TMEM33: variants seen among roughly 807,000 people sequenced by gnomAD.
TMEM33 encodes the protein transmembrane protein 33.
Under a neutral mutation model 29.7 loss-of-function variants are expected in TMEM33, and 16 were observed. The observed-to-expected ratio is 0.54, with a 90% CI of 0.36 to 0.82. The LOEUF (loss-of-function observed/expected upper bound fraction) is 0.82. Among genes scored for constraint, TMEM33 ranks in the 40% least tolerant of loss-of-function variants. The pLI, the probability that TMEM33 is intolerant of heterozygous loss-of-function variation, is 0.00. For missense variants in TMEM33, 252 were observed against 295.3 expected, an observed-to-expected ratio of 0.85 and a Z score of 1.08; for synonymous variants, 112 against 109.4, an observed-to-expected ratio of 1.02 and a Z score of -0.15.
intron 3 of TMEM33, among the ~76,000 whole-genome samples, chr4:41,940,639 C>T (rs1478777731): frequency 6.6e-6 from 1 of 151,644 alleles, no homozygotes; most frequent in Non-Finnish European, 1.5e-5. Flanking sequence ...GAAACCCCAT[C>T]TCTACTAAAA....
rs117278300 is a variant in TMEM33, at chr4:41,941,972, C to T, written c.329-1775C>T. On this transcript the variant is annotated intron_variant, in intron 3 of 6. Coordinates refer to ENST00000504986, the MANE Select transcript of TMEM33 (RefSeq NM_018126.3). ...ACTATAGAATGTTAGACATAAAAGA[C>T]TCATTGGCAGTTTCTAGCTTTGATC... 3.5e-4 allele frequency among the ~76,000 whole-genome samples: 54 copies of T among 152,312 alleles called. 1 individual carries two copies. In the East Asian group the frequency reaches 9.1e-3, roughly 26 times the overall value.
intron 1 of TMEM33, among the ~76,000 whole-genome samples, chr4:41,937,131 TA>T (rs1712280544): frequency 6.6e-6 from 1 of 152,158 alleles, no homozygotes; most frequent in Admixed American, 6.5e-5. Context: ...CTTAAACTTT[TA>T]AAATTGTATA....
Position 41,939,228 on chromosome 4 carries a change from C to G in TMEM33, c.173C>G (p.Ala58Gly), listed in dbSNP as rs772338056. The G allele has an allele frequency of 9.4e-6, 15 of 1,604,174 alleles. No homozygotes were observed. The highest frequency in any genetic ancestry group is 1.7e-4 in the Middle Eastern group (1 of 6,032). Reference protein sequence around the residue: ...LHEAASFYQRALLANALTSAL... With the variant: ...LHEAASFYQRGLLANALTSAL... ...GAAGCAGCAAGCTTTTACCAACGTG[C>G]TTTGCTGGCAAATGCTCTTACCAGT... The change falls in exon 3 of 7, where the codon GCT (alanine) becomes GGT (glycine). Residue 58 changes from alanine to glycine, a missense_variant. Transcript: ENST00000504986.
Position 41,958,700 on chromosome 4 carries a change from C to CTTTTTTTTT in TMEM33, c.*4519_*4527dup, listed in dbSNP as rs750862386. On this transcript the variant is annotated 3_prime_UTR_variant, in exon 7 of 7. Coordinates refer to ENST00000504986, the MANE Select transcript of TMEM33 (RefSeq NM_018126.3). ...GTAGAGACAACTAGTTTCTCTCGCT[C>CTTTTTTTTT]TTTTTTTTTTTTTTTTTTTTTTTTT... 2 of 93,790 alleles carry CTTTTTTTTT rather than the reference C, an allele frequency of 2.1e-5. No homozygotes were observed. Among genetic ancestry groups the CTTTTTTTTT allele is most frequent in the African/African-American group, 9.6e-5 (2 of 20,832 alleles). The allele number at this position is 93,790 out of a possible 1,614,324, so 5.8% of individuals were successfully genotyped here. A position where few individuals can be genotyped will look rare whatever the true frequency, so the allele number is the denominator to read the frequency against.
chr4:41,948,813 A>G (rs1712906844), intron 5 of TMEM33, among the ~76,000 whole-genome samples: 1 of 152,116 alleles, frequency 6.6e-6, no homozygotes, highest in African/African-American at 2.4e-5. Context: ...ATAAACATAT[A>G]TATAATTCTT....
chr4:41,940,807 C>CAAAAAAAAAAAAAAAAAAA (rs11390153), intron 3 of TMEM33, among the ~76,000 whole-genome samples: 1 of 53,274 alleles, frequency 1.9e-5, no homozygotes. Flanking sequence ...GACTCCTTCT[C>CAAAAAAAAAAAAAAAAAAA]AAAAAAAAAA....
At chr4:41,952,250 A>G (rs1328739156) in intron 6 of TMEM33, among the ~76,000 whole-genome samples, 2 of 152,210 alleles carry the variant, frequency 1.3e-5, no homozygotes. Flanking sequence ...GTTTTGGAAA[A>G]TTATGCATTA....
intron 6 of TMEM33, among the ~76,000 whole-genome samples, chr4:41,951,020 A>C (rs1713015454): frequency 6.6e-6 from 1 of 151,870 alleles, no homozygotes; most frequent in South Asian, 2.1e-4. Flanking sequence ...TTCAGCTTGT[A>C]AATATTGATA....
rs1006151712 is a variant in TMEM33, at chr4:41,957,284, TG to T, written c.*3087del. 1 of 150,980 alleles carries T rather than the reference TG, an allele frequency of 6.6e-6. No homozygotes were observed. The highest frequency in any genetic ancestry group is 1.5e-5 in the Non-Finnish European group (1 of 67,710). The allele number at this position is 150,980 out of a possible 1,614,324, so 9.4% of individuals were successfully genotyped here. On this transcript the variant is annotated 3_prime_UTR_variant, in exon 7 of 7. Coordinates refer to ENST00000504986, the MANE Select transcript of TMEM33 (RefSeq NM_018126.3). ...GTATTTAGGTTTTTTTTTTTTTTTT[TG>T]GAATGAAGTTCAGAGGTAGATCCTC...
chr4:41,957,806 A>G lies in TMEM33; in HGVS notation c.*3607A>G, dbSNP rs1160406532. 3 of 152,272 alleles carry G rather than the reference A, an allele frequency of 2.0e-5. No individual in the cohort carries two copies. In the East Asian group the frequency reaches 5.8e-4, roughly 29 times the overall value. 9.4% of individuals were successfully genotyped at this position (152,272 alleles called of 1,614,324 possible). ...TTGACACTTTGAAATGAAAACTTCA[A>G]GGAAGAAGTAGCCACGGACAGTTAT... On this transcript the variant is annotated 3_prime_UTR_variant, in exon 7 of 7. Coordinates refer to ENST00000504986, the MANE Select transcript of TMEM33 (RefSeq NM_018126.3).
At chr4:41,936,287 G>T (rs927792472) in intron 1 of TMEM33, among the ~76,000 whole-genome samples, 2 of 152,164 alleles carry the variant, frequency 1.3e-5, no homozygotes, top group African/African-American at 4.8e-5. Context: ...ACTCCTGTAA[G>T]CCCAGAACTT....
At chr4:41,945,197 A>G (rs986159352) in intron 5 of TMEM33, among the ~76,000 whole-genome samples, 3 of 152,328 alleles carry the variant, frequency 2.0e-5, no homozygotes, top group South Asian at 2.1e-4. Flanking sequence ...ATCTTATGAA[A>G]TCTAATCTAG....
At chr4:41,947,984 G>A (rs964459881) in intron 5 of TMEM33, among the ~76,000 whole-genome samples, 1 of 152,156 alleles carries the variant, frequency 6.6e-6, no homozygotes, top group African/African-American at 2.4e-5. Context: ...CCAAGCATTA[G>A]ATGGTATATT....
Position 41,957,677 on chromosome 4 carries a change from G to C in TMEM33, c.*3478G>C, listed in dbSNP as rs1180355155. 2 of 151,796 alleles carry C rather than the reference G, an allele frequency of 1.3e-5. No homozygotes were observed. Among genetic ancestry groups the C allele is most frequent in the Non-Finnish European group, 2.9e-5 (2 of 67,960 alleles). 9.4% of individuals were successfully genotyped at this position (151,796 alleles called of 1,614,324 possible). On this transcript the variant is annotated 3_prime_UTR_variant, in exon 7 of 7. Coordinates refer to ENST00000504986, the MANE Select transcript of TMEM33 (RefSeq NM_018126.3). ...GTAAAGAACCTTAACTAATGCTAAGGAGTTTATTTTGATTAACATAGGTTA... is the reference window on the plus strand; with the variant it reads ...GTAAAGAACCTTAACTAATGCTAAGCAGTTTATTTTGATTAACATAGGTTA...
At chr4:41,937,954 T>G (rs555482736) in intron 1 of TMEM33, among the ~76,000 whole-genome samples, 12 of 152,270 alleles carry the variant, frequency 7.9e-5, no homozygotes, top group Middle Eastern at 3.4e-3. Context: ...GAGAGTGGTG[T>G]AATCAGAGAG....
chr4:41,948,171 TC>T (rs1390406970), intron 5 of TMEM33, among the ~76,000 whole-genome samples: 1 of 152,136 alleles, frequency 6.6e-6, no homozygotes, highest in East Asian at 1.9e-4. Context: ...ACCATCTCTG[TC>T]CTAGAGTTGT....
At position 41,957,121 on chromosome 4, in the gene TMEM33, T is replaced by A. The variant is rs990003097; in HGVS notation, c.*2922T>A. 3.3e-5 allele frequency: 5 copies of A among 152,190 alleles called. No individual in the cohort carries two copies. The highest frequency in any genetic ancestry group is 5.9e-5 in the Non-Finnish European group (4 of 67,982). The allele number at this position is 152,190 out of a possible 1,614,324, so 9.4% of individuals were successfully genotyped here. Reference sequence around the variant, plus strand: ...ATTGTTCTTCTGGCATTTTTAAATATTAAACCTTTTTGGATAGATGGAAGC... The same window carrying A: ...ATTGTTCTTCTGGCATTTTTAAATAATAAACCTTTTTGGATAGATGGAAGC... On this transcript the variant is annotated 3_prime_UTR_variant, in exon 7 of 7. Transcript: ENST00000504986.
At chr4:41,935,427 C>T, upstream of TMEM33, 15 of 1,555,242 alleles carry the variant, frequency 9.6e-6, no homozygotes, top group Non-Finnish European at 1.3e-5. Context: ...CTGACGTTTT[C>T]TCTCCCCTTT....
At chr4:41,939,089 T>C in intron 2 of TMEM33, 107 bp from the exon 3 acceptor site, 4 of 1,108,548 alleles carry the variant, frequency 3.6e-6, no homozygotes, top group Non-Finnish European at 5.0e-6. Context: ...TTTTTTTCTA[T>C]TGACAAGTGA....
Sources: allele counts gnomAD v4.1 joint callset (sites outside exome capture counted in the v4.1 genomes callset), GRCh38; gene constraint gnomAD v4.1.1; transcripts MANE v1.5; gene names NCBI Gene and HGNC (gene_info 2026-07-23, HGNC 2026-07-21).